FCAMR: variants seen among roughly 807,000 people sequenced by gnomAD.
The protein encoded by FCAMR is Fc alpha and mu receptor, also known as high affinity immunoglobulin alpha and immunoglobulin mu Fc receptor.
FCAMR carries 51 observed loss-of-function variants against 52.2 expected under a neutral mutation model. The observed-to-expected ratio is 0.98, with a 90% CI of 0.78 to 1.23. The LOEUF is 1.23. FCAMR is among the 50% of genes most tolerant of loss of function. The pLI is 0.00. For missense variants in FCAMR, 719 were observed against 712.6 expected (o/e 1.01, Z -0.10); for synonymous variants, 282 against 262.0 (o/e 1.08, Z -0.74).
At position 206,967,567 on chromosome 1, in the gene FCAMR, T is replaced by C. The variant is rs771212890; in HGVS notation, c.108+16A>G. On this transcript the variant is annotated intron_variant, in intron 2 of 7. Coordinates refer to ENST00000324852, the MANE Select transcript of FCAMR (RefSeq NM_001170631.2). ...GAATGAAGGAATCTGCAAGGGGTTG[T>C]TGTTACACAACTTACGTGAGATTGT... 6.2e-7 allele frequency: 1 copy of C among 1,613,720 alleles called. No individual in the cohort carries two copies. The highest frequency in any genetic ancestry group is 8.5e-7 in the Non-Finnish European group (1 of 1,179,642).
rs769273194 is a variant in FCAMR at position 206,962,236 on chromosome 1, C to T, written c.629G>A (p.Ser210Asn). Residue 210 changes from serine to asparagine, a missense_variant, in exon 5 of 8, where the codon AGC becomes AAC. Physicochemically the swap from Ser to Asn is conservative, Grantham distance 46. Coordinates refer to ENST00000324852, the MANE Select transcript of FCAMR (RefSeq NM_001170631.2). ...ACCTGCAGAGATGGTCAGATTCATGCTTAAGAACAGCATGTTGTTTTCACT... is the reference window on the plus strand; with the variant it reads ...ACCTGCAGAGATGGTCAGATTCATGTTTAAGAACAGCATGTTGTTTTCACT... ...IGSENNMLFL[S>N]MNLTISAGPA... 322 of 1,614,162 alleles carry T rather than the reference C, an allele frequency of 2.0e-4. 1 individual carries two copies. The highest frequency in any genetic ancestry group is 2.6e-4 in the Non-Finnish European group (303 of 1,180,026).
At chr1:206,962,131 TG>T (rs1680530218) in intron 5 of FCAMR, 81 bp downstream of exon 5, 2 of 1,391,008 alleles carry the variant, frequency 1.4e-6, no homozygotes. Context: ...CAAGCCCTTC[TG>T]GGTCTCTGAG....
chr1:206,962,671 A>G (rs941001543), intron 4 of FCAMR, 120 bp from the exon 5 acceptor site: 1 of 761,154 alleles, frequency 1.3e-6, no homozygotes, highest in Non-Finnish European at 2.0e-6. Context: ...CACTGTGAAC[A>G]TGGAGCAGAA....
intron 4 of FCAMR, 141 bp downstream of exon 4, chr1:206,965,574 G>T: frequency 9.4e-7 from 1 of 1,061,984 alleles, no homozygotes; most frequent in Non-Finnish European, 1.3e-6. Flanking sequence ...TCCCCTCATT[G>T]TTACTCAGCA....
chr1:206,961,732 C>T (rs1480332276), intron 5 of FCAMR, among the ~76,000 whole-genome samples: 1 of 152,268 alleles, frequency 6.6e-6, no homozygotes, highest in East Asian at 1.9e-4. Flanking sequence ...TTGGGATCAA[C>T]AAACAGAACC....
chr1:206,969,642 T>G (rs1680857880), intron 1 of FCAMR, among the ~76,000 whole-genome samples: 1 of 151,860 alleles, frequency 6.6e-6, no homozygotes, highest in African/African-American at 2.4e-5. Context: ...TTCACTCCTA[T>G]CCCCTCCCCA....
In FCAMR at chr1:206,958,461, G is replaced by C; in HGVS notation, c.*55C>G. ...ATGGAAAGAGGCTGGGGTCCTGAAG[G>C]CCTTTGATCTTGGTCCTTCTCCCAT... is the stretch of plus-strand genomic sequence containing the variant. On this transcript the variant is annotated 3_prime_UTR_variant, in exon 8 of 8. Coordinates refer to ENST00000324852, the MANE Select transcript of FCAMR (RefSeq NM_001170631.2). 5 of 1,523,888 alleles carry C rather than the reference G, an allele frequency of 3.3e-6. No homozygotes were observed. In the South Asian group the frequency reaches 6.4e-5, roughly 19 times the overall value. 94.4% of individuals were successfully genotyped at this position (1,523,888 alleles called of 1,614,324 possible).
At position 206,962,516 on chromosome 1, in the gene FCAMR, C is replaced by A; in HGVS notation, c.349G>T (p.Gly117Trp). The change falls in exon 5 of 8, where the codon GGG (glycine) becomes TGG (tryptophan). Residue 117 changes from glycine (G) to tryptophan (W), a missense_variant. Physicochemically the swap from Gly to Trp is radical, Grantham distance 184. Coordinates refer to ENST00000324852, the MANE Select transcript of FCAMR (RefSeq NM_001170631.2). ...ATGGTGACAGCTCCTCCAGGCTCCC[C>A]TGACACCAGCCTTGAGCCCTTCAAT... ...NSLKGSRLVS[G>W]EPGGAVTIQC... 6.3e-7 allele frequency: 1 copy of A among 1,596,626 alleles called. No homozygotes were observed. Among genetic ancestry groups the A allele is most frequent in the Admixed American group, 1.7e-5 (1 of 58,994 alleles).
rs868159707 is a variant in FCAMR, at chr1:206,962,218, G to A, written c.647C>T (p.Ser216Phe). The A allele has an allele frequency of 1.2e-6, 2 of 1,613,794 alleles. No individual in the cohort carries two copies. The highest frequency in any genetic ancestry group is 2.7e-5 in the African/African-American group (2 of 74,922). ...CATCAGCCGTCAGCTCATACCTGCAGAGATGGTCAGATTCATGCTTAAGAA... is the reference window on the plus strand; with the variant it reads ...CATCAGCCGTCAGCTCATACCTGCAAAGATGGTCAGATTCATGCTTAAGAA... The part of the protein sequence containing the change: ...MLFLSMNLTI[S>F]AGPASTLPTA... Residue 216 changes from serine (S) to phenylalanine (F), a missense_variant, in exon 5 of 8, where the codon TCT becomes TTT. Transcript: ENST00000324852.
chr1:206,958,869 C>A lies in FCAMR; in HGVS notation c.1574-193G>T, dbSNP rs1382651604. 6 of 705,994 alleles carry A rather than the reference C, an allele frequency of 8.5e-6. No individual in the cohort carries two copies. In the African/African-American group the frequency reaches 8.8e-5, roughly 10 times the overall value. 43.7% of individuals were successfully genotyped at this position (705,994 alleles called of 1,614,324 possible). A position where few individuals can be genotyped will look rare whatever the true frequency, so the allele number is the denominator to read the frequency against. On this transcript the variant is annotated intron_variant, in intron 7 of 7. Transcript: ENST00000324852. ...GACTTCGGGGCCTGGGTCTGAGAAC[C>A]TTAGCCTCCTCCACTTGCTGCCAGA...
At chr1:206,959,873 T>A (rs558217811) in intron 6 of FCAMR, 76 bp from the exon 7 acceptor site, 5 of 1,206,824 alleles carry the variant, frequency 4.1e-6, no homozygotes, top group Non-Finnish European at 6.2e-6. Flanking sequence ...TTTACCCACA[T>A]CCTTACTTTA....
At chr1:206,964,508 C>A (rs1483800648) in intron 4 of FCAMR, among the ~76,000 whole-genome samples, 1 of 151,644 alleles carries the variant, frequency 6.6e-6, no homozygotes, top group African/African-American at 2.4e-5. Context: ...GGTTTAGTAC[C>A]ATCCCCTTGG....
chr1:206,968,541 A>G (rs1429619658), intron 1 of FCAMR, among the ~76,000 whole-genome samples: 1 of 152,158 alleles, frequency 6.6e-6, no homozygotes, highest in East Asian at 1.9e-4. Context: ...GTTCCTCACT[A>G]CTGTTAAGGA....
In FCAMR at chr1:206,960,128, C is replaced by A. The variant is rs1226410547; in HGVS notation, c.1454+294G>T. The A allele has an allele frequency of 8.0e-6, 4 of 498,610 alleles. No individual in the cohort carries two copies. In the Admixed American group the frequency reaches 1.1e-4, roughly 13 times the overall value. The allele number at this position is 498,610 out of a possible 1,614,324, so 30.9% of individuals were successfully genotyped here. A position where few individuals can be genotyped will look rare whatever the true frequency, so the allele number is the denominator to read the frequency against. On this transcript the variant is annotated intron_variant, in intron 6 of 7. Transcript: ENST00000324852. ...CTTTCCTTGTGGCTTCAGTGCATCA[C>A]CCCCTCTCTCCGGAGCGCCTATTCT...
intron 1 of FCAMR, among the ~76,000 whole-genome samples, chr1:206,969,619 C>G (rs189349563): frequency 1.4e-3 from 207 of 152,278 alleles, no homozygotes; most frequent in Non-Finnish European, 2.2e-3. Flanking sequence ...CCTACTGGCC[C>G]TCCGAGCCCC....
At chr1:206,968,351 A>C (rs1298461648) in intron 1 of FCAMR, among the ~76,000 whole-genome samples, 2 of 146,606 alleles carry the variant, frequency 1.4e-5, no homozygotes, top group African/African-American at 4.9e-5. Context: ...ACAACAACAA[A>C]AAAGACAGAG....
chr1:206,969,850 T>C (rs1680867344), intron 1 of FCAMR, among the ~76,000 whole-genome samples: 1 of 152,170 alleles, frequency 6.6e-6, no homozygotes, highest in African/African-American at 2.4e-5. Flanking sequence ...GTTTTTTTGG[T>C]TCTAAATTAC....
At chr1:206,961,351 C>T (rs915783797) in intron 5 of FCAMR, 128 bp from the exon 6 acceptor site, 22 of 692,874 alleles carry the variant, frequency 3.2e-5, no homozygotes, top group Middle Eastern at 3.9e-4. Flanking sequence ...CAGTCTTTGA[C>T]CAATAGGTTG....
At position 206,961,209 on chromosome 1, in the gene FCAMR, G is replaced by A; in HGVS notation, c.667C>T (p.Leu223Phe). The A allele has an allele frequency of 6.5e-7, 1 of 1,547,832 alleles. No homozygotes were observed. The highest frequency in any genetic ancestry group is 8.7e-7 in the Non-Finnish European group (1 of 1,145,072). The change falls in exon 6 of 8, where the codon CTC becomes TTC. Residue 223 changes from leucine to phenylalanine, a missense_variant. Coordinates refer to ENST00000324852, the MANE Select transcript of FCAMR (RefSeq NM_001170631.2). ...LTISAGPAST[L>F]PTATPAAGEL... is the part of the protein sequence containing the mutation. ...CCAGCAGCTGGAGTGGCTGTGGGGA[G>A]GGTGCTGGCGGGACCTGTGTGGACA...
Sources: allele counts gnomAD v4.1 joint callset (sites outside exome capture counted in the v4.1 genomes callset), GRCh38; gene constraint gnomAD v4.1.1; transcripts MANE v1.5; gene names NCBI Gene and HGNC (gene_info 2026-07-23, HGNC 2026-07-21).